NKIRAS1: variants seen among roughly 807,000 people sequenced by gnomAD.
The protein encoded by NKIRAS1 is NF-kappa-B inhibitor-interacting Ras-like protein 1.
NKIRAS1 carries 16 observed loss-of-function variants against 19.8 expected under a neutral mutation model. That is an observed-to-expected ratio of 0.81 (90% CI 0.55 to 1.23). The LOEUF (loss-of-function observed/expected upper bound fraction) is 1.23. NKIRAS1 is among the 50% of genes most tolerant of loss of function. The pLI, the probability that NKIRAS1 is intolerant of heterozygous loss-of-function variation, is 0.00. For synonymous variants in NKIRAS1, 88 were observed against 79.0 expected (o/e 1.11, Z -0.61); for missense variants, 184 against 220.0 (o/e 0.84, Z 1.04).
chr3:23,901,242 G>A (rs890712328), intron 3 of NKIRAS1, among the ~76,000 whole-genome samples, 193 bp from the exon 4 acceptor site: 10 of 148,324 alleles, frequency 6.7e-5, no homozygotes, highest in Non-Finnish European at 1.5e-5. Flanking sequence ...GCAGTGGCTC[G>A]ATCTCAGCTC....
chr3:23,919,438 T>C (rs544066307), upstream of NKIRAS1: 3 of 1,604,918 alleles, frequency 1.9e-6, no homozygotes, highest in South Asian at 3.3e-5. Flanking sequence ...ACCACACTAT[T>C]GGTGGCTCTC....
intron 4 of NKIRAS1, among the ~76,000 whole-genome samples, chr3:23,899,228 T>G (rs1480544541): frequency 6.6e-6 from 1 of 152,102 alleles, no homozygotes; most frequent in Non-Finnish European, 1.5e-5. Flanking sequence ...AGGATCTTTG[T>G]GGTGATGGAA....
chr3:23,929,741 C>T (rs1355354131), intron 1 of NKIRAS1, among the ~76,000 whole-genome samples: 1 of 152,120 alleles, frequency 6.6e-6, no homozygotes, highest in African/African-American at 2.4e-5. Context: ...TGCACCCAAC[C>T]TCTATGTTTC....
chr3:23,946,212 T>G, intron 1 of NKIRAS1: 1 of 985,384 alleles, frequency 1.0e-6, no homozygotes. Flanking sequence ...AAGCGGGCGC[T>G]GACACCGCAG....
chr3:23,908,237 C>T (rs1397943205), intron 3 of NKIRAS1, among the ~76,000 whole-genome samples: 1 of 152,164 alleles, frequency 6.6e-6, no homozygotes, highest in African/African-American at 2.4e-5. Flanking sequence ...ATTTAAAATG[C>T]AGGATCAATC....
In NKIRAS1 at chr3:23,892,559, TAGTC is replaced by T. The variant is rs1701546967; in HGVS notation, c.*532_*535del. On this transcript the variant is annotated 3_prime_UTR_variant, in exon 5 of 5. Transcript: ENST00000425478. ...TTGAGCAAAGCTAAATCATGGGTCT[TAGTC>T]TGTTTAGCAAAATCTCCACAAGATG... 1 of 152,214 alleles carries T rather than the reference TAGTC, an allele frequency of 6.6e-6. No individual in the cohort carries two copies. The highest frequency in any genetic ancestry group is 1.5e-5 in the Non-Finnish European group (1 of 68,074). 9.4% of individuals were successfully genotyped at this position (152,214 alleles called of 1,614,324 possible).
At chr3:23,909,145 T>C (rs1175521635) in intron 3 of NKIRAS1, among the ~76,000 whole-genome samples, 1 of 152,234 alleles carries the variant, frequency 6.6e-6, no homozygotes, top group Non-Finnish European at 1.5e-5. Flanking sequence ...TAATAAACAC[T>C]AAATATGAAT....
At chr3:23,901,833 G>A (rs1447867912) in intron 3 of NKIRAS1, among the ~76,000 whole-genome samples, 3 of 152,238 alleles carry the variant, frequency 2.0e-5, no homozygotes, top group Non-Finnish European at 2.9e-5. Context: ...AGCACTTTGG[G>A]AGGCCTAGGT....
intron 1 of NKIRAS1, among the ~76,000 whole-genome samples, chr3:23,928,667 G>T (rs1455697913): frequency 2.2e-5 from 3 of 137,360 alleles, no homozygotes; most frequent in African/African-American, 8.2e-5. Flanking sequence ...AAAAACAGAA[G>T]CCTCAAAGTA....
At chr3:23,898,625 T>C (rs1702213411) in intron 4 of NKIRAS1, among the ~76,000 whole-genome samples, 3 of 152,102 alleles carry the variant, frequency 2.0e-5, no homozygotes, top group African/African-American at 4.8e-5. Flanking sequence ...TGTATTTTTT[T>C]AGTAGAGACG....
intron 4 of NKIRAS1, among the ~76,000 whole-genome samples, chr3:23,896,929 C>G (rs1478304833): frequency 6.6e-6 from 1 of 151,692 alleles, no homozygotes. Context: ...AAAGGCTAGG[C>G]ACACGGTGGC....
chr3:23,944,401 T>C (rs1705571561), intron 1 of NKIRAS1, among the ~76,000 whole-genome samples: 2 of 152,230 alleles, frequency 1.3e-5, no homozygotes, highest in Non-Finnish European at 2.9e-5. Context: ...TTTAACATCT[T>C]ACCATATCAT....
intron 1 of NKIRAS1, among the ~76,000 whole-genome samples, chr3:23,925,078 C>A (rs1396561087): frequency 6.6e-6 from 1 of 152,196 alleles, no homozygotes; most frequent in Non-Finnish European, 1.5e-5. Flanking sequence ...CCCATGGCTA[C>A]TCCTGGGTTC....
chr3:23,931,717 AGAG>A (rs1427812259), intron 1 of NKIRAS1, among the ~76,000 whole-genome samples: 5 of 151,380 alleles, frequency 3.3e-5, no homozygotes, highest in African/African-American at 1.2e-4. Flanking sequence ...GGAAGGAGAG[AGAG>A]AGAGAGAGAG....
chr3:23,920,161 GTGGCCATTAGATAAA>G (rs1426261258), upstream of NKIRAS1: 1 of 985,730 alleles, frequency 1.0e-6, no homozygotes, highest in African/African-American at 1.7e-5. Context: ...TGGTGAGCCA[GTGGCCATTAGATAAA>G]TACCTTTCAA....
At position 23,897,808 on chromosome 3, in the gene NKIRAS1, A is replaced by G. The variant is rs149896822; in HGVS notation, c.336+3000T>C. Among the ~76,000 whole-genome samples the G allele has an allele frequency of 2.6e-4, 39 of 152,312 alleles. No homozygotes were observed. In the East Asian group the frequency reaches 6.6e-3, roughly 26 times the overall value. ...CATCACTCATTGTAATGTATTAAAT[A>G]TATTTATTTACTGTCTCTCTCACTC... On this transcript the variant is annotated intron_variant, in intron 4 of 4. Coordinates refer to ENST00000425478, the MANE Select transcript of NKIRAS1 (RefSeq NM_020345.4).
chr3:23,934,185 T>A (rs1284501617), intron 1 of NKIRAS1, among the ~76,000 whole-genome samples: 2 of 152,222 alleles, frequency 1.3e-5, no homozygotes, highest in Non-Finnish European at 2.9e-5. Flanking sequence ...TCTGTATGTG[T>A]TTATCATTCA....
intron 1 of NKIRAS1, among the ~76,000 whole-genome samples, chr3:23,931,734 GAGAA>G (rs1434764875): frequency 4.4e-5 from 1 of 22,804 alleles, no homozygotes; most frequent in Admixed American, 4.7e-4. Flanking sequence ...GAGAGAGAGA[GAGAA>G]AGAAAGGTAG....
intron 3 of NKIRAS1, among the ~76,000 whole-genome samples, chr3:23,903,555 C>T (rs1397219634): frequency 1.3e-5 from 2 of 151,974 alleles, no homozygotes; most frequent in Non-Finnish European, 2.9e-5. Context: ...CAAAAAACTA[C>T]CTAATCTATC....
Sources: allele counts gnomAD v4.1 joint callset (sites outside exome capture counted in the v4.1 genomes callset), GRCh38; gene constraint gnomAD v4.1.1; transcripts MANE v1.5; gene names NCBI Gene and HGNC (gene_info 2026-07-23, HGNC 2026-07-21).